DTNB: variants seen among roughly 807,000 people sequenced by gnomAD.
DTNB encodes DTN-B.
Under a neutral mutation model 90.7 loss-of-function variants are expected in DTNB, and 63 were observed. That is an observed-to-expected ratio of 0.69 (90% CI 0.57 to 0.86). The LOEUF (loss-of-function observed/expected upper bound fraction) is 0.86. Ranked by LOEUF, DTNB falls within the 40% of genes least tolerant of loss-of-function variation. The probability of loss-of-function intolerance (pLI) is 0.00; values close to 1 mark genes in which losing one functional copy is unlikely to be tolerated. For missense variants in DTNB, 744 were observed against 807.1 expected (o/e 0.92, Z 0.95); for synonymous variants, 277 against 286.7 (o/e 0.97, Z 0.34).
chr2:25,433,566 A>C (rs2054662919), intron 13 of DTNB, among the ~76,000 whole-genome samples: 1 of 151,756 alleles, frequency 6.6e-6, no homozygotes, highest in South Asian at 2.1e-4. Context: ...CCTACATAGC[A>C]TAATGGGTCA....
At chr2:25,631,433 C>T (rs934959924) in intron 3 of DTNB, among the ~76,000 whole-genome samples, 16 of 151,848 alleles carry the variant, frequency 1.1e-4, no homozygotes, top group African/African-American at 3.4e-4. Flanking sequence ...ATTAGCTAGG[C>T]ATAGTGACAC....
chr2:25,525,149 A>G (rs886885032), intron 9 of DTNB, among the ~76,000 whole-genome samples: 1 of 152,236 alleles, frequency 6.6e-6, no homozygotes. Flanking sequence ...CGACATGTAG[A>G]GCATGACCAT....
intron 19 of DTNB, among the ~76,000 whole-genome samples, chr2:25,383,233 G>C (rs539570706): frequency 1.0e-5 from 1 of 97,950 alleles, no homozygotes; most frequent in Admixed American, 1.1e-4. Context: ...TTTTTTTTTG[G>C]AGATGGAGTT....
intron 10 of DTNB, among the ~76,000 whole-genome samples, chr2:25,463,300 A>G (rs2061293398): frequency 6.6e-6 from 1 of 152,044 alleles, no homozygotes; most frequent in South Asian, 2.1e-4. Context: ...TTTTCCTTGA[A>G]CACACATCCA....
intron 6 of DTNB, among the ~76,000 whole-genome samples, chr2:25,582,630 G>T (rs1184099637): frequency 6.6e-6 from 1 of 152,154 alleles, no homozygotes; most frequent in Non-Finnish European, 1.5e-5. Context: ...ACTACTGGGG[G>T]GCGGGAGGAG....
At chr2:25,456,092 T>C (rs1290657861) in intron 10 of DTNB, among the ~76,000 whole-genome samples, 3 of 152,236 alleles carry the variant, frequency 2.0e-5, no homozygotes, top group African/African-American at 7.2e-5. Context: ...TGAGGCTCTC[T>C]CTTATAGATA....
Position 25,525,734 on chromosome 2 carries a change from C to T in DTNB, c.1001+5739G>A, listed in dbSNP as rs188074966. Among the ~76,000 whole-genome samples the T allele has an allele frequency of 5.9e-5, 9 of 152,134 alleles. No individual in the cohort carries two copies. In the East Asian group the frequency reaches 1.7e-3, roughly 29 times the overall value. ...TCTAATTCTTAGCTCTCAGTCCCAGCTGCATTTTTACTTAAATTTCTAACA... is the reference window on the plus strand; with the variant it reads ...TCTAATTCTTAGCTCTCAGTCCCAGTTGCATTTTTACTTAAATTTCTAACA... On this transcript the variant is annotated intron_variant, in intron 9 of 20. Transcript: ENST00000406818.
At chr2:25,589,184 T>C (rs559405221) in intron 6 of DTNB, among the ~76,000 whole-genome samples, 3 of 152,248 alleles carry the variant, frequency 2.0e-5, no homozygotes, top group African/African-American at 4.8e-5. Flanking sequence ...AGCAATAGTA[T>C]AATCCCATTT....
chr2:25,486,884 G>C (rs1325643026), intron 9 of DTNB, among the ~76,000 whole-genome samples: 2 of 152,178 alleles, frequency 1.3e-5, no homozygotes, highest in East Asian at 3.8e-4. Context: ...CTTTGGTACA[G>C]ATCTCAGCAA....
intron 8 of DTNB, among the ~76,000 whole-genome samples, chr2:25,548,413 T>G (rs2082890823): frequency 7.0e-6 from 1 of 142,170 alleles, no homozygotes; most frequent in East Asian, 2.0e-4. Flanking sequence ...TGTGTTAAGG[T>G]TTTTTTTTTT....
Position 25,451,007 on chromosome 2 carries a change from G to A in DTNB, c.1257+541C>T, listed in dbSNP as rs1426293135. Among the ~76,000 whole-genome samples, 11 of 152,186 alleles carry A rather than the reference G, an allele frequency of 7.2e-5. No homozygotes were observed. The East Asian group carries it at 2.1e-3, about 29-fold the overall frequency. ...TTTTATAGAGACAGCATTTCACTAT[G>A]CTGCCAGAGGGTGGTCTCAAACTCC... On this transcript the variant is annotated intron_variant, in intron 12 of 20. Transcript: ENST00000406818.
intron 9 of DTNB, among the ~76,000 whole-genome samples, chr2:25,519,591 A>G (rs2075777998): frequency 6.6e-6 from 1 of 152,044 alleles, no homozygotes; most frequent in Non-Finnish European, 1.5e-5. Flanking sequence ...TTTGCATTCT[A>G]TTTACCCTGG....
At chr2:25,537,285 T>G (rs968108304) in intron 8 of DTNB, among the ~76,000 whole-genome samples, 2 of 152,176 alleles carry the variant, frequency 1.3e-5, no homozygotes, top group Admixed American at 1.3e-4. Context: ...ACACTGCATC[T>G]GTCATCCATG....
chr2:25,525,068 A>G (rs1478817800), intron 9 of DTNB, among the ~76,000 whole-genome samples: 2 of 152,252 alleles, frequency 1.3e-5, no homozygotes, highest in Non-Finnish European at 2.9e-5. Context: ...AAGTCATTCA[A>G]TGGAATACCA....
chr2:25,489,789 A>G (rs1472514552), intron 9 of DTNB, among the ~76,000 whole-genome samples: 3 of 152,142 alleles, frequency 2.0e-5, no homozygotes, highest in Non-Finnish European at 2.9e-5. Flanking sequence ...TGAATTGTTA[A>G]AACCATCAGA....
intron 3 of DTNB, among the ~76,000 whole-genome samples, chr2:25,637,551 T>G (rs2077378360): frequency 6.6e-6 from 1 of 152,162 alleles, no homozygotes; most frequent in African/African-American, 2.4e-5. Context: ...GGGCGAAGGA[T>G]ATGAACAGAC....
At chr2:25,581,686 C>T (rs2061574249) in intron 6 of DTNB, among the ~76,000 whole-genome samples, 1 of 152,206 alleles carries the variant, frequency 6.6e-6, no homozygotes, top group African/African-American at 2.4e-5. Context: ...AAATTCTCCA[C>T]AATATTTCAA....
intron 5 of DTNB, among the ~76,000 whole-genome samples, chr2:25,605,736 T>G: frequency 6.6e-6 from 1 of 152,208 alleles, no homozygotes; most frequent in East Asian, 1.9e-4. Flanking sequence ...ATATTCTTTA[T>G]CTGGTATCAG....
chr2:25,654,452 C>T (rs1342412796), intron 1 of DTNB, among the ~76,000 whole-genome samples: 1 of 152,132 alleles, frequency 6.6e-6, no homozygotes, highest in Non-Finnish European at 1.5e-5. Flanking sequence ...AAAGAATCAT[C>T]CAGTCCAAAA....
Sources: allele counts gnomAD v4.1 joint callset (sites outside exome capture counted in the v4.1 genomes callset), GRCh38; gene constraint gnomAD v4.1.1; transcripts MANE v1.5; gene names NCBI Gene and HGNC (gene_info 2026-07-23, HGNC 2026-07-21).